The following NCALD variants were observed in gnomAD, a reference collection of about 807,000 sequenced individuals.
NCALD encodes the protein neurocalcin delta, also known as neurocalcin-delta.
NCALD carries 10 observed loss-of-function variants against 18.6 expected under a neutral mutation model. The observed-to-expected ratio is 0.54, with a 90% CI of 0.33 to 0.91. NCALD has a LOEUF of 0.91. Ranked by LOEUF, NCALD falls within the 40% of genes least tolerant of loss-of-function variation. The probability of loss-of-function intolerance (pLI) is 0.03; values close to 1 mark genes in which losing one functional copy is unlikely to be tolerated. For synonymous variants in NCALD, 88 were observed against 87.4 expected, an observed-to-expected ratio of 1.01 and a Z score of -0.04; for missense variants, 184 against 247.6, an observed-to-expected ratio of 0.74 and a Z score of 1.72.
chr8:101,765,757 T>C (rs532064562), intron 1 of NCALD, among the ~76,000 whole-genome samples: 1 of 152,030 alleles, frequency 6.6e-6, no homozygotes, highest in South Asian at 2.1e-4. Flanking sequence ...AGCACCAGGG[T>C]GCCCTGGAAA....
In NCALD at chr8:101,689,421, G is replaced by C. The variant is rs750843068; in HGVS notation, c.485-15C>G. On this transcript the variant is annotated splice_polypyrimidine_tract_variant and intron_variant, in intron 3 of 3. Transcript: ENST00000220931. The surrounding 1 kb of genome is among the most constrained non-coding windows in gnomAD (Gnocchi z 4.4). ...GGAGAGTTTTCCTAGGAAGCAAGAG[G>C]ACAGGTGAGTGGTGGCTGGTGGCAG... 1 of 1,584,000 alleles carries C rather than the reference G, an allele frequency of 6.3e-7. No homozygotes were observed. The highest frequency in any genetic ancestry group is 8.6e-7 in the Non-Finnish European group (1 of 1,163,442).
At chr8:101,770,862 A>G (rs1257918308) in intron 1 of NCALD, among the ~76,000 whole-genome samples, 1 of 152,212 alleles carries the variant, frequency 6.6e-6, no homozygotes, top group Non-Finnish European at 1.5e-5. Context: ...TAAAAAATAG[A>G]TAAAATCTTT....
In NCALD at chr8:101,719,374, T is replaced by C; in HGVS notation, c.256A>G (p.Ile86Val). ...CTCGAAGTTACACTCAAGGCGATGATGAATTCTCTAAAGTCTATTGTCCCA... is the reference window on the plus strand; with the variant it reads ...CTCGAAGTTACACTCAAGGCGATGACGAATTCTCTAAAGTCTATTGTCCCA... ...GDGTIDFREF[I>V]IALSVTSRGK... Residue 86 changes from isoleucine (I) to valine (V), a missense_variant, in exon 2 of 4, where the codon ATC becomes GTC. Transcript: ENST00000220931. 2 of 1,614,250 alleles carry C rather than the reference T, an allele frequency of 1.2e-6. No homozygotes were observed. The highest frequency in any genetic ancestry group is 1.3e-5 in the African/African-American group (1 of 75,076).
chr8:101,945,464 G>A (rs1257360648), intron 2 of NCALD, among the ~76,000 whole-genome samples: 1 of 152,168 alleles, frequency 6.6e-6, no homozygotes, highest in Non-Finnish European at 1.5e-5. Flanking sequence ...AGAGGTAAGA[G>A]AATAATAGAA....
intron 2 of NCALD, among the ~76,000 whole-genome samples, chr8:101,974,765 C>G (rs1476808104): frequency 6.6e-6 from 1 of 152,144 alleles, no homozygotes; most frequent in Non-Finnish European, 1.5e-5. Context: ...AACTGCTATT[C>G]TAGAAATTAT....
At position 102,005,213 on chromosome 8, in the gene NCALD, G is replaced by A. The variant is rs536080746; in HGVS notation, c.-157+15024C>T. Among the ~76,000 whole-genome samples the A allele has an allele frequency of 9.2e-5, 14 of 152,312 alleles. 1 individual carries two copies. Among genetic ancestry groups the A allele is most frequent in the South Asian group, 4.1e-4 (2 of 4,826 alleles). ...AAAACAACCCCATCAACAAGTGGGC[G>A]AAGGATATGAACAGACAATTCTCAA... On this transcript the variant is annotated intron_variant, in intron 2 of 6. Transcript: ENST00000311028.
intron 2 of NCALD, among the ~76,000 whole-genome samples, chr8:102,007,045 T>C (rs957861508): frequency 1.3e-5 from 2 of 152,070 alleles, no homozygotes; most frequent in African/African-American, 4.8e-5. Flanking sequence ...GGAGAGCTTA[T>C]TAAAAATGCA....
intron 1 of NCALD, among the ~76,000 whole-genome samples, chr8:102,116,438 A>T (rs991784568): frequency 7.2e-5 from 11 of 152,128 alleles, no homozygotes; most frequent in Non-Finnish European, 1.6e-4. Flanking sequence ...CCCCAAAAAA[A>T]GTATGTCCAA....
intron 2 of NCALD, among the ~76,000 whole-genome samples, chr8:101,981,150 ATT>A (rs1820605811): frequency 6.6e-6 from 1 of 152,136 alleles, no homozygotes; most frequent in Admixed American, 6.5e-5. Context: ...CTCCTCTTAT[ATT>A]TCTCAAACTA....
At chr8:102,004,031 C>A (rs970583121) in intron 2 of NCALD, among the ~76,000 whole-genome samples, 1 of 150,720 alleles carries the variant, frequency 6.6e-6, no homozygotes, top group African/African-American at 2.4e-5. Context: ...CTGGCCAGGG[C>A]AATTAGGCAG....
chr8:101,912,287 T>A (rs1177289285), intron 3 of NCALD, among the ~76,000 whole-genome samples: 1 of 151,500 alleles, frequency 6.6e-6, no homozygotes, highest in Non-Finnish European at 1.5e-5. Flanking sequence ...GAAAAAAAAA[T>A]TAAGTCATGA....
chr8:102,038,871 C>T (rs1822959397), intron 1 of NCALD, among the ~76,000 whole-genome samples: 1 of 152,152 alleles, frequency 6.6e-6, no homozygotes, highest in Non-Finnish European at 1.5e-5. Context: ...GTGCTAGTCA[C>T]TCCATACTAG....
At chr8:101,729,262 TAAAAC>T (rs1018368592) in intron 1 of NCALD, among the ~76,000 whole-genome samples, 8 of 152,154 alleles carry the variant, frequency 5.3e-5, no homozygotes, top group African/African-American at 1.9e-4. Context: ...AATTAGGAAA[TAAAAC>T]AGAGTAGTAC....
At chr8:101,835,916 T>G (rs966977321) in intron 4 of NCALD, among the ~76,000 whole-genome samples, 1 of 151,940 alleles carries the variant, frequency 6.6e-6, no homozygotes, top group African/African-American at 2.4e-5. Context: ...GTGTAGGGCC[T>G]TGTTACCCAA....
intron 3 of NCALD, among the ~76,000 whole-genome samples, chr8:101,889,362 C>G (rs1816789369): frequency 6.6e-6 from 1 of 152,214 alleles, no homozygotes; most frequent in Non-Finnish European, 1.5e-5. Flanking sequence ...ATAATCCTAA[C>G]TGATAGGAAG....
intron 4 of NCALD, among the ~76,000 whole-genome samples, chr8:101,841,484 C>G (rs983509400): frequency 6.6e-6 from 1 of 152,158 alleles, no homozygotes; most frequent in Non-Finnish European, 1.5e-5. Flanking sequence ...ATCTCTGGCC[C>G]CTACCCATTA....
intron 2 of NCALD, among the ~76,000 whole-genome samples, chr8:101,938,207 A>C (rs1358733336): frequency 6.6e-6 from 1 of 152,244 alleles, no homozygotes; most frequent in Non-Finnish European, 1.5e-5. Context: ...ACATAATATT[A>C]GCCTCATTAG....
At chr8:101,766,153 A>C (rs1173032153) in intron 1 of NCALD, among the ~76,000 whole-genome samples, 3 of 152,278 alleles carry the variant, frequency 2.0e-5, no homozygotes, top group Non-Finnish European at 4.4e-5. Flanking sequence ...GTATTCACAA[A>C]AGTGTCCTTT....
intron 2 of NCALD, among the ~76,000 whole-genome samples, chr8:101,997,928 C>T (rs550147857): frequency 2.6e-5 from 4 of 152,076 alleles, no homozygotes; most frequent in Non-Finnish European, 5.9e-5. Flanking sequence ...AAATAATCAA[C>T]GAACAACTGG....
Sources: allele counts gnomAD v4.1 joint callset (sites outside exome capture counted in the v4.1 genomes callset), GRCh38; gene constraint gnomAD v4.1.1; non-coding constraint Gnocchi (gnomAD v3.1); transcripts MANE v1.5; gene names NCBI Gene and HGNC (gene_info 2026-07-23, HGNC 2026-07-21).